Variants in FAM135B observed in about 807,000 individuals in gnomAD.
FAM135B encodes the protein family with sequence similarity 135 member B.
Under a neutral mutation model 127.7 loss-of-function variants are expected in FAM135B, and 43 were observed. The observed-to-expected ratio is 0.34, with a 90% CI of 0.26 to 0.43. The LOEUF (loss-of-function observed/expected upper bound fraction) is 0.43, where lower values mean the gene tolerates loss of function less well. FAM135B is among the 20% of genes least tolerant of loss of function. The pLI, the probability that FAM135B is intolerant of heterozygous loss-of-function variation, is 1.00. For missense variants in FAM135B, 1,558 were observed against 1,725.6 expected (o/e 0.90, Z 1.72); for synonymous variants, 670 against 665.1 (o/e 1.01, Z -0.11).
chr8:138,339,701 A>G (rs1056777476), intron 2 of FAM135B, among the ~76,000 whole-genome samples: 4 of 152,200 alleles, frequency 2.6e-5, no homozygotes, highest in African/African-American at 9.6e-5. Flanking sequence ...GCAGCATCAC[A>G]GAGTTAAAGT....
chr8:138,299,016 C>T (rs1016589841), intron 3 of FAM135B, among the ~76,000 whole-genome samples: 89 of 150,290 alleles, frequency 5.9e-4, no homozygotes, highest in African/African-American at 2.0e-3. Context: ...GCCGAGATCG[C>T]GCCACCGCAC....
At chr8:138,306,733 C>T (rs1826293211) in intron 3 of FAM135B, among the ~76,000 whole-genome samples, 1 of 152,134 alleles carries the variant, frequency 6.6e-6, no homozygotes, top group Non-Finnish European at 1.5e-5. Context: ...CAGGTGTGCA[C>T]CACCACGCCT....
intron 6 of FAM135B, among the ~76,000 whole-genome samples, chr8:138,249,715 T>C (rs1382234413): frequency 6.6e-6 from 1 of 152,072 alleles, no homozygotes; most frequent in East Asian, 1.9e-4. Flanking sequence ...ACAGCAAACG[T>C]AGTGAAAATT....
At chr8:138,134,038 T>C (rs1027227548) in intron 19 of FAM135B, among the ~76,000 whole-genome samples, 4 of 152,190 alleles carry the variant, frequency 2.6e-5, no homozygotes, top group African/African-American at 4.8e-5. Flanking sequence ...CCCATTAATG[T>C]CTTAGAGTAG....
chr8:138,174,837 T>C (rs1464093356), intron 11 of FAM135B, among the ~76,000 whole-genome samples: 1 of 150,572 alleles, frequency 6.6e-6, no homozygotes, highest in East Asian at 2.0e-4. Context: ...TGTTTCCCCA[T>C]AGCACTCCTT....
chr8:138,298,502 ATTGGGAATGAAC>A (rs1825634672), intron 3 of FAM135B, among the ~76,000 whole-genome samples: 1 of 152,236 alleles, frequency 6.6e-6, no homozygotes, highest in African/African-American at 2.4e-5. Context: ...GAAGCTCTGA[ATTGGGAATGAAC>A]TTGGTGCATT....
intron 7 of FAM135B, among the ~76,000 whole-genome samples, chr8:138,206,693 C>T (rs1329693562): frequency 4.7e-5 from 7 of 148,266 alleles, no homozygotes; most frequent in African/African-American, 1.2e-4. Flanking sequence ...CTCTATCATC[C>T]CCTCCATCTA....
chr8:138,374,666 A>G (rs1192865606), intron 1 of FAM135B, among the ~76,000 whole-genome samples: 8 of 152,166 alleles, frequency 5.3e-5, no homozygotes, highest in Admixed American at 5.2e-4. Context: ...AGAAACTAAG[A>G]CCGGAGGCTC....
chr8:138,337,642 A>G (rs1828706537), intron 2 of FAM135B, among the ~76,000 whole-genome samples: 1 of 152,194 alleles, frequency 6.6e-6, no homozygotes. Flanking sequence ...TTCCATGCTC[A>G]TGGGTAGGAA....
chr8:138,220,412 T>G (rs949658007), intron 7 of FAM135B, among the ~76,000 whole-genome samples: 13 of 152,176 alleles, frequency 8.5e-5, no homozygotes, highest in African/African-American at 2.9e-4. Context: ...AGCATCGTTG[T>G]TGAGCCTGGA....
chr8:138,280,897 G>A (rs934089088), intron 3 of FAM135B, among the ~76,000 whole-genome samples: 6 of 152,044 alleles, frequency 3.9e-5, no homozygotes, highest in South Asian at 2.1e-4. Context: ...GGGGCTCAGA[G>A]GTGCAGACAC....
At chr8:138,416,794 A>T (rs1122931) in intron 1 of FAM135B, among the ~76,000 whole-genome samples, 19,271 of 152,048 alleles carry the variant, frequency 0.13, 1,641 homozygotes, top group Admixed American at 0.27. Flanking sequence ...AAGAAGGCAC[A>T]GAGAGTGAAT....
chr8:138,421,290 G>A (rs1268762610), intron 1 of FAM135B, among the ~76,000 whole-genome samples: 24 of 152,110 alleles, frequency 1.6e-4, no homozygotes, highest in Non-Finnish European at 2.9e-5. Context: ...TCCAGCCAGG[G>A]CAACAGAGCG....
In FAM135B at chr8:138,274,816, C is replaced by T. The variant is rs184051970; in HGVS notation, c.158-8974G>A. Among the ~76,000 whole-genome samples, 41 of 152,070 alleles carry T rather than the reference C, an allele frequency of 2.7e-4. No homozygotes were observed. The East Asian group carries it at 5.0e-3, about 19-fold the overall frequency. ...AAGAGAAATGTGGATCTGTTCCACCCGGCTCACCGGCGGTCAGAGTTTAAG... is the reference window on the plus strand; with the variant it reads ...AAGAGAAATGTGGATCTGTTCCACCTGGCTCACCGGCGGTCAGAGTTTAAG... On this transcript the variant is annotated intron_variant, in intron 3 of 19. Coordinates refer to ENST00000395297, the MANE Select transcript of FAM135B (RefSeq NM_015912.4).
At chr8:138,358,452 A>G (rs1830221406) in intron 2 of FAM135B, 1 of 152,152 alleles carries the variant, frequency 6.6e-6, no homozygotes, top group African/African-American at 2.4e-5. Flanking sequence ...ATTACAATCA[A>G]TGGAGTAGTC....
chr8:138,332,674 G>A (rs1563907181), intron 2 of FAM135B, among the ~76,000 whole-genome samples: 1 of 152,014 alleles, frequency 6.6e-6, no homozygotes, highest in African/African-American at 2.4e-5. Context: ...TGCATTTAGG[G>A]GGAAGGAGAA....
At chr8:138,385,795 G>A (rs1025644884) in intron 1 of FAM135B, among the ~76,000 whole-genome samples, 5 of 152,180 alleles carry the variant, frequency 3.3e-5, no homozygotes, top group African/African-American at 9.6e-5. Context: ...CTGGGTGACA[G>A]AGCGAGCTCA....
chr8:138,134,949 G>A (rs1222848123), intron 19 of FAM135B, among the ~76,000 whole-genome samples: 4 of 152,088 alleles, frequency 2.6e-5, no homozygotes, highest in Non-Finnish European at 2.9e-5. Flanking sequence ...GATAAGCAAA[G>A]CGCATGAATT....
At chr8:138,429,893 C>A (rs2131500874) in intron 1 of FAM135B, among the ~76,000 whole-genome samples, 1 of 152,194 alleles carries the variant, frequency 6.6e-6, no homozygotes, top group South Asian at 2.1e-4. Flanking sequence ...CTGACTGAGG[C>A]CTGAGAAGAT....
Sources: allele counts gnomAD v4.1 joint callset (sites outside exome capture counted in the v4.1 genomes callset), GRCh38; gene constraint gnomAD v4.1.1; transcripts MANE v1.5; gene names NCBI Gene and HGNC (gene_info 2026-07-23, HGNC 2026-07-21).